ROCK2: variants seen among roughly 807,000 people sequenced by gnomAD.
ROCK2 encodes the protein rho-associated protein kinase 2.
Under a neutral mutation model 195.1 loss-of-function variants are expected in ROCK2, and 61 were observed. The ratio of observed to expected loss-of-function variants is 0.31; its 90% CI spans 0.25 to 0.39. The LOEUF (loss-of-function observed/expected upper bound fraction) is 0.39. Ranked by LOEUF, ROCK2 falls within the 10% of genes least tolerant of loss-of-function variation. The pLI is 1.00. For synonymous variants in ROCK2, 504 were observed against 545.5 expected, an observed-to-expected ratio of 0.92 and a Z score of 1.06; for missense variants, 1,109 against 1,637.4, an observed-to-expected ratio of 0.68 and a Z score of 5.57.
chr2:11,340,658 T>C (rs990217997), intron 1 of ROCK2, among the ~76,000 whole-genome samples: 1 of 152,214 alleles, frequency 6.6e-6, no homozygotes, highest in Non-Finnish European at 1.5e-5. Flanking sequence ...AAAATACACA[T>C]ACAATTTTAT....
chr2:11,317,576 TTATA>T lies in ROCK2; in HGVS notation c.141+26416_141+26419del, dbSNP rs1156983946. 2.4e-3 allele frequency among the ~76,000 whole-genome samples: 71 copies of T among 29,588 alleles called. 4 individuals carry two copies. The highest frequency in any genetic ancestry group is 9.0e-3 in the African/African-American group (58 of 6,440). The allele number at this position is 29,588 out of a possible 152,430, so 19.4% of individuals were successfully genotyped here. A position where few individuals can be genotyped will look rare whatever the true frequency, so the allele number is the denominator to read the frequency against. On this transcript the variant is annotated intron_variant, in intron 1 of 32. Coordinates refer to ENST00000315872, the MANE Select transcript of ROCK2 (RefSeq NM_004850.5). Reference sequence around the variant, plus strand: ...TTTAAAGCCGCCCTGATCTACACATTTATATATATATATATATATATATATATAT... The same window carrying T: ...TTTAAAGCCGCCCTGATCTACACATTTATATATATATATATATATATATAT...
chr2:11,183,101 A>G lies in ROCK2; in HGVS notation c.*336T>C, dbSNP rs1380545549. On this transcript the variant is annotated 3_prime_UTR_variant, in exon 33 of 33. Transcript: ENST00000315872. The stretch of plus-strand genomic sequence containing the variant: ...CTGGTGAAACCTCTCTGTTGAAGCT[A>G]GAAAAGATGTTTTCTTTAGCCTTTA... 4.8e-6 allele frequency: 1 copy of G among 207,146 alleles called. No individual in the cohort carries two copies. Among genetic ancestry groups the G allele is most frequent in the African/African-American group, 2.3e-5 (1 of 43,358 alleles). The allele number at this position is 207,146 out of a possible 1,614,324, so 12.8% of individuals were successfully genotyped here. A position where few individuals can be genotyped will look rare whatever the true frequency, so the allele number is the denominator to read the frequency against.
At chr2:11,263,749 GT>G (rs1317379975) in intron 3 of ROCK2, among the ~76,000 whole-genome samples, 79 of 143,280 alleles carry the variant, frequency 5.5e-4, no homozygotes, top group Non-Finnish European at 5.2e-4. Context: ...AAGGGTTAAA[GT>G]TTTTTTTTTT....
chr2:11,189,653 A>G (rs1186391391), intron 32 of ROCK2, among the ~76,000 whole-genome samples: 1 of 152,110 alleles, frequency 6.6e-6, no homozygotes, highest in Admixed American at 6.6e-5. Flanking sequence ...TATACCATTC[A>G]ATTTGTATAA....
intron 1 of ROCK2, among the ~76,000 whole-genome samples, chr2:11,333,927 T>C (rs1035598329): frequency 6.6e-6 from 1 of 152,196 alleles, no homozygotes; most frequent in Non-Finnish European, 1.5e-5. Flanking sequence ...CCATGAGGTA[T>C]CTTTACTTCA....
intron 3 of ROCK2, among the ~76,000 whole-genome samples, chr2:11,278,180 C>G (rs1177640410): frequency 6.6e-6 from 1 of 152,140 alleles, no homozygotes; most frequent in Non-Finnish European, 1.5e-5. Context: ...ATCTCTTTAA[C>G]TTATTCCTCC....
rs148542211 is a variant in ROCK2, at chr2:11,241,802, T to A, written c.463-5840A>T. Reference sequence around the variant, plus strand: ...GTGCTATGGTCTGAATGTTTTGTGTTCCCTCAAAATTCATATGAAATCTTA... The same window carrying A: ...GTGCTATGGTCTGAATGTTTTGTGTACCCTCAAAATTCATATGAAATCTTA... On this transcript the variant is annotated intron_variant, in intron 4 of 32. Transcript: ENST00000315872. 2.6e-5 allele frequency among the ~76,000 whole-genome samples: 4 copies of A among 152,336 alleles called. No homozygotes were observed. The East Asian group carries it at 7.7e-4, about 29-fold the overall frequency.
Position 11,201,423 on chromosome 2 carries a change from A to G in ROCK2, c.2620-10T>C, listed in dbSNP as rs776598013. The G allele has an allele frequency of 2.2e-6, 3 of 1,368,482 alleles. No individual in the cohort carries two copies. In the South Asian group the frequency reaches 3.5e-5, roughly 16 times the overall value. The allele number at this position is 1,368,482 out of a possible 1,614,324, so 84.8% of individuals were successfully genotyped here. ...GTGTTTTATAAAGGGTCTAAATAGC[A>G]AAATACAACAGAAATGCGTATCATC... On this transcript the variant is annotated splice_polypyrimidine_tract_variant and intron_variant, in intron 21 of 32. Transcript: ENST00000315872. This position sits in a 1 kb window ranked among gnomAD's most constrained non-coding sequence, Gnocchi z 4.6.
intron 3 of ROCK2, among the ~76,000 whole-genome samples, chr2:11,272,596 C>A (rs960506461): frequency 3.3e-5 from 5 of 151,884 alleles, no homozygotes; most frequent in African/African-American, 1.2e-4. Flanking sequence ...AGAAGCAGAG[C>A]TGGCCGGCTG....
chr2:11,237,359 CA>C (rs1665248400), intron 4 of ROCK2, among the ~76,000 whole-genome samples: 1 of 152,130 alleles, frequency 6.6e-6, no homozygotes, highest in South Asian at 2.1e-4. Flanking sequence ...AGATGAAATA[CA>C]GAGCAATGTC....
chr2:11,216,435 T>C (rs1346833490), intron 12 of ROCK2, among the ~76,000 whole-genome samples: 2 of 151,982 alleles, frequency 1.3e-5, no homozygotes, highest in African/African-American at 4.8e-5. Flanking sequence ...AGTAGCTCCC[T>C]TGGCCCCTCA....
rs768660182 is a variant in ROCK2, at chr2:11,215,620, G to T, written c.1487C>A (p.Ser496Ter). ...TTCTCTTTCTAACTGTCTTAATGCT[G>T]ATTCCACACTTTTCCGTAAGGTAAT... Reference protein sequence around the residue: ...EEITLRKSVESALRQLEREKA... With the variant: ...EEITLRKSVE The change falls in exon 14 of 33, where the codon TCA becomes TAA. Residue 496 changes from serine (S) to a stop codon, truncating the protein, a stop_gained. Transcript: ENST00000315872. LOFTEE classifies it high-confidence loss of function. 1 of 1,607,378 alleles carries T rather than the reference G, an allele frequency of 6.2e-7. No individual in the cohort carries two copies. The highest frequency in any genetic ancestry group is 1.3e-5 in the African/African-American group (1 of 74,672).
In ROCK2 at chr2:11,307,982, C is replaced by T. The variant is rs1228417409; in HGVS notation, c.142-20246G>A. On this transcript the variant is annotated intron_variant, in intron 1 of 32. Coordinates refer to ENST00000315872, the MANE Select transcript of ROCK2 (RefSeq NM_004850.5). ...GAAGGATGGCGCCCTAGAACCCGGC[C>T]TTGCTGGGGTAGGGGCAGGAGGGGA... The T allele has an allele frequency of 1.1e-5, 16 of 1,490,894 alleles. No individual in the cohort carries two copies. In the East Asian group the frequency reaches 3.9e-4, roughly 37 times the overall value. 92.4% of individuals were successfully genotyped at this position (1,490,894 alleles called of 1,614,324 possible).
intron 24 of ROCK2, 42 bp downstream of exon 24, chr2:11,198,639 C>G: frequency 6.4e-7 from 1 of 1,569,130 alleles, no homozygotes. Context: ...AGCTGATAAA[C>G]ATTAGGTATA....
At chr2:11,280,211 T>C (rs1483536003) in intron 3 of ROCK2, among the ~76,000 whole-genome samples, 1 of 151,950 alleles carries the variant, frequency 6.6e-6, no homozygotes, top group Admixed American at 6.6e-5. Flanking sequence ...GCTGGTTCTT[T>C]GAAAAGACCA....
intron 3 of ROCK2, among the ~76,000 whole-genome samples, chr2:11,254,389 C>T (rs1028389048): frequency 6.6e-6 from 1 of 152,054 alleles, no homozygotes; most frequent in Admixed American, 6.6e-5. Flanking sequence ...GAGTTTAAGA[C>T]AAATGAAGCA....
At chr2:11,329,079 T>A (rs971400710) in intron 1 of ROCK2, among the ~76,000 whole-genome samples, 29 of 129,054 alleles carry the variant, frequency 2.2e-4, no homozygotes, top group Middle Eastern at 3.9e-3. Context: ...ATAATTTTTT[T>A]AAAAATGCAA....
chr2:11,229,743 G>A (rs1231748088), intron 5 of ROCK2, among the ~76,000 whole-genome samples: 1 of 152,010 alleles, frequency 6.6e-6, no homozygotes, highest in Non-Finnish European at 1.5e-5. Flanking sequence ...ACACAATACT[G>A]TAAGACTAAT....
At chr2:11,188,588 A>G (rs1449543990) in intron 32 of ROCK2, among the ~76,000 whole-genome samples, 1 of 151,764 alleles carries the variant, frequency 6.6e-6, no homozygotes, top group Non-Finnish European at 1.5e-5. Context: ...TATTTTTATG[A>G]ACTGTCAATT....
Sources: allele counts gnomAD v4.1 joint callset (sites outside exome capture counted in the v4.1 genomes callset), GRCh38; gene constraint gnomAD v4.1.1; non-coding constraint Gnocchi (gnomAD v3.1); transcripts MANE v1.5; gene names NCBI Gene and HGNC (gene_info 2026-07-23, HGNC 2026-07-21).